The following ARHGEF7 variants were observed in gnomAD, a reference collection of about 807,000 sequenced individuals.
ARHGEF7 encodes Rho guanine nucleotide exchange factor 7.
In ARHGEF7, 33 loss-of-function variants were observed where a neutral mutation model predicts 109.8. The ratio of observed to expected loss-of-function variants is 0.30; its 90% CI spans 0.23 to 0.40. The LOEUF (loss-of-function observed/expected upper bound fraction) is 0.40. Among genes scored for constraint, ARHGEF7 ranks in the 10% least tolerant of loss-of-function variants. ARHGEF7 has a pLI of 1.00. For missense variants in ARHGEF7, 938 were observed against 1,098.5 expected, an observed-to-expected ratio of 0.85 and a Z score of 2.07; for synonymous variants, 458 against 424.6, an observed-to-expected ratio of 1.08 and a Z score of -0.97.
At chr13:111,302,171 G>A (rs1161205708) in intron 21 of ARHGEF7, among the ~76,000 whole-genome samples, 2 of 152,232 alleles carry the variant, frequency 1.3e-5, no homozygotes, top group Non-Finnish European at 2.9e-5. Context: ...AGCCAGGTTA[G>A]CGAGCCAGAA....
intron 2 of ARHGEF7, among the ~76,000 whole-genome samples, chr13:111,178,928 C>A (rs151067647): frequency 2.0e-5 from 3 of 151,984 alleles, no homozygotes; most frequent in Non-Finnish European, 4.4e-5. Context: ...GGATGGTGAG[C>A]GGATGCTAGA....
intron 19 of ARHGEF7, chr13:111,292,779 C>A (rs1323615093): frequency 4.0e-6 from 4 of 999,872 alleles, no homozygotes; most frequent in Non-Finnish European, 4.8e-6. Flanking sequence ...GAACACTGAT[C>A]AAGTAGTTGT....
At chr13:111,121,902 A>T (rs997757384) in intron 1 of ARHGEF7, among the ~76,000 whole-genome samples, 18 of 152,196 alleles carry the variant, frequency 1.2e-4, no homozygotes, top group African/African-American at 3.9e-4. Context: ...ACCAGGGTAA[A>T]TGAGTAGATG....
chr13:111,222,924 A>G (rs1349884974), intron 5 of ARHGEF7, among the ~76,000 whole-genome samples: 2 of 152,266 alleles, frequency 1.3e-5, no homozygotes, highest in Admixed American at 6.5e-5. Flanking sequence ...GGTGAGAACA[A>G]TACAGTAAGA....
intron 4 of ARHGEF7, among the ~76,000 whole-genome samples, chr13:111,211,333 TC>T (rs1447318594): frequency 3.3e-5 from 5 of 152,174 alleles, no homozygotes; most frequent in African/African-American, 1.2e-4. Flanking sequence ...ATAAGAGAAA[TC>T]AGCTCGCCTT....
intron 2 of ARHGEF7, among the ~76,000 whole-genome samples, chr13:111,183,987 G>T (rs1026698106): frequency 1.3e-5 from 2 of 152,104 alleles, no homozygotes; most frequent in African/African-American, 4.8e-5. Flanking sequence ...GTTGGGGTAG[G>T]ATGGTGTTAT....
intron 5 of ARHGEF7, 38 bp downstream of exon 5, chr13:111,217,918 G>A (rs1214182445): frequency 3.8e-6 from 6 of 1,563,652 alleles, no homozygotes; most frequent in African/African-American, 2.7e-5. Context: ...GGCTTTTTGC[G>A]ATGAGCAGAA....
chr13:111,210,165 A>G (rs1035056716), intron 4 of ARHGEF7, among the ~76,000 whole-genome samples, 163 bp downstream of exon 4: 4 of 152,216 alleles, frequency 2.6e-5, no homozygotes, highest in Admixed American at 1.3e-4. Flanking sequence ...GCATTTGCTC[A>G]TTACCAGATG....
chr13:111,155,202 A>T (rs2076220457), intron 2 of ARHGEF7, among the ~76,000 whole-genome samples: 1 of 152,212 alleles, frequency 6.6e-6, no homozygotes, highest in South Asian at 2.1e-4. Flanking sequence ...AAAAAGGGAC[A>T]ACTGTATATG....
rs906579932 is a variant in ARHGEF7, at chr13:111,281,300, A to C, written c.1725+623A>C. 2.1e-5 allele frequency among the ~76,000 whole-genome samples: 3 copies of C among 144,138 alleles called. No homozygotes were observed. The Admixed American group carries it at 2.2e-4, about 11-fold the overall frequency. 94.6% of individuals were successfully genotyped at this position (144,138 alleles called of 152,430 possible). A position where few individuals can be genotyped will look rare whatever the true frequency, so the allele number is the denominator to read the frequency against. On this transcript the variant is annotated intron_variant, in intron 15 of 21. Coordinates refer to ENST00000646102, the MANE Select transcript of ARHGEF7 (RefSeq NM_001354046.2). ...CAAGAAGTTGGTATCGGGTTGTTTT[A>C]ACAGTCGTCATCTTTATCAAGTAAT...
At chr13:111,119,044 G>A (rs753311211) in intron 1 of ARHGEF7, among the ~76,000 whole-genome samples, 255 of 152,260 alleles carry the variant, frequency 1.7e-3, no homozygotes, top group Admixed American at 3.5e-3. Flanking sequence ...GCAGGGCCTC[G>A]TGCCCTCAGA....
At position 111,274,778 on chromosome 13, in the gene ARHGEF7, CA is replaced by C; in HGVS notation, c.1265del (p.Asn422ThrfsTer20). Reference sequence around the variant, plus strand: ...ATATTCAAAAATCCATGGCTGCCTTCAAAAACCTTTCAGTAAGTGATTAAGC... The same window carrying C: ...ATATTCAAAAATCCATGGCTGCCTTCAAAACCTTTCAGTAAGTGATTAAGC... ...QDIQKSMAAF[K>X]NLSAQCQEVR... On this transcript the variant is annotated frameshift_variant, in exon 11 of 22. Transcript: ENST00000646102. LOFTEE classifies it high-confidence loss of function. The C allele has an allele frequency of 2.7e-6, 4 of 1,490,548 alleles. No individual in the cohort carries two copies. The highest frequency in any genetic ancestry group is 4.7e-5 in the Admixed American group (2 of 42,308). The allele number at this position is 1,490,548 out of a possible 1,614,324, so 92.3% of individuals were successfully genotyped here. A position where few individuals can be genotyped will look rare whatever the true frequency, so the allele number is the denominator to read the frequency against.
chr13:111,150,900 GT>G (rs1264316844), intron 1 of ARHGEF7, among the ~76,000 whole-genome samples: 1 of 152,198 alleles, frequency 6.6e-6, no homozygotes, highest in Non-Finnish European at 1.5e-5. Context: ...AGAAAGCAAG[GT>G]TTTTGCCCTA....
At position 111,162,029 on chromosome 13, in the gene ARHGEF7, A is replaced by G. The variant is rs538219949; in HGVS notation, c.252+8038A>G. 2.0e-5 allele frequency among the ~76,000 whole-genome samples: 3 copies of G among 152,310 alleles called. No individual in the cohort carries two copies. In the South Asian group the frequency reaches 6.2e-4, roughly 32 times the overall value. On this transcript the variant is annotated intron_variant, in intron 2 of 21. Transcript: ENST00000646102. ...TAATCCTTGATTTTCTTTGTAGGACAAATTCCCTGATAGGGCACTGCAAGG... is the reference window on the plus strand; with the variant it reads ...TAATCCTTGATTTTCTTTGTAGGACGAATTCCCTGATAGGGCACTGCAAGG...
intron 2 of ARHGEF7, among the ~76,000 whole-genome samples, chr13:111,198,121 C>T (rs1037892009): frequency 1.3e-5 from 2 of 152,130 alleles, no homozygotes; most frequent in Admixed American, 1.3e-4. Context: ...CCACCGCTCC[C>T]AACTCTGAAG....
At chr13:111,238,820 C>T (rs1566927622) in intron 6 of ARHGEF7, among the ~76,000 whole-genome samples, 1 of 152,028 alleles carries the variant, frequency 6.6e-6, no homozygotes, top group Non-Finnish European at 1.5e-5. Context: ...TTATGGCCTT[C>T]CCTGCTCAGC....
chr13:111,235,120 C>T (rs1396719325), intron 6 of ARHGEF7, among the ~76,000 whole-genome samples: 3 of 152,186 alleles, frequency 2.0e-5, no homozygotes, highest in Non-Finnish European at 4.4e-5. Context: ...TGGTGAATAA[C>T]ACAGCCACAA....
In ARHGEF7 at chr13:111,255,398, T is replaced by A. The variant is rs79543225; in HGVS notation, c.950+11104T>A. ...GCTCTCCTGGTCACCTGCCTCATGT[T>A]GCTTGCCCATGTCTGTCCCAGTGTC... is the stretch of plus-strand genomic sequence containing the variant. On this transcript the variant is annotated intron_variant, in intron 8 of 21. Coordinates refer to ENST00000646102, the MANE Select transcript of ARHGEF7 (RefSeq NM_001354046.2). The surrounding 1 kb of genome is among the most constrained non-coding windows in gnomAD (Gnocchi z 4.1). Among the ~76,000 whole-genome samples the A allele has an allele frequency of 0.022, 3,345 of 152,306 alleles. 126 individuals are homozygous for A. The highest frequency in any genetic ancestry group is 0.077 in the African/African-American group (3,188 of 41,546).
chr13:111,274,929 G>T (rs1484154925), intron 11 of ARHGEF7, 139 bp downstream of exon 11: 2 of 505,694 alleles, frequency 4.0e-6, no homozygotes, highest in Non-Finnish European at 3.2e-6. Context: ...GGCATTCTGT[G>T]GCTGGTAAAC....
Sources: allele counts gnomAD v4.1 joint callset (sites outside exome capture counted in the v4.1 genomes callset), GRCh38; gene constraint gnomAD v4.1.1; non-coding constraint Gnocchi (gnomAD v3.1); transcripts MANE v1.5; gene names NCBI Gene and HGNC (gene_info 2026-07-23, HGNC 2026-07-21).